The following RBM20 variants were observed in gnomAD, a reference collection of about 807,000 sequenced individuals.
RBM20 encodes RNA binding motif protein 20, also known as RNA-binding protein 20.
In RBM20, 51 loss-of-function variants were observed where a neutral mutation model predicts 110.1. That is an observed-to-expected ratio of 0.46 (90% CI 0.37 to 0.59). The LOEUF (loss-of-function observed/expected upper bound fraction) is 0.59, where lower values mean the gene tolerates loss of function less well. Among genes scored for constraint, RBM20 ranks in the 20% least tolerant of loss-of-function variants. The probability of loss-of-function intolerance (pLI) is 0.00; values close to 1 mark genes in which losing one functional copy is unlikely to be tolerated. For synonymous variants in RBM20, 589 were observed against 618.2 expected, an observed-to-expected ratio of 0.95 and a Z score of 0.70; for missense variants, 1,512 against 1,574.9, an observed-to-expected ratio of 0.96 and a Z score of 0.68.
chr10:110,810,611 T>C (rs1844753374), intron 8 of RBM20, 149 bp downstream of exon 8: 1 of 571,864 alleles, frequency 1.7e-6, no homozygotes, highest in African/African-American at 1.9e-5. Context: ...CTTTTCCATG[T>C]TCCCCATGAA....
At chr10:110,730,898 C>T (rs1049445195) in intron 1 of RBM20, among the ~76,000 whole-genome samples, 1 of 152,232 alleles carries the variant, frequency 6.6e-6, no homozygotes, top group Non-Finnish European at 1.5e-5. Flanking sequence ...CACCCTCCTA[C>T]TTGAAGTGTC....
chr10:110,835,893 A>T lies in RBM20; in HGVS notation c.3599A>T (p.Glu1200Val). Residue 1200 changes from glutamate to valine, a missense_variant, in exon 14 of 14, where the codon GAG becomes GTG. This residue lies in a region of RBM20 where 358 missense variants were observed against 384.2 expected (regional missense o/e 0.93). Coordinates refer to ENST00000369519, the MANE Select transcript of RBM20 (RefSeq NM_001134363.3). ...LQKYLSQLAE[E>V]GLKETEGADS... ...AAATATTTGTCCCAGCTGGCCGAGG[A>T]GGGCCTCAAGGAGACCGAGGGGGCA... The T allele has an allele frequency of 6.5e-7, 1 of 1,549,270 alleles. No homozygotes were observed. Among genetic ancestry groups the T allele is most frequent in the Non-Finnish European group, 8.7e-7 (1 of 1,145,146 alleles).
At chr10:110,803,461 T>C (rs1844656205) in intron 7 of RBM20, among the ~76,000 whole-genome samples, 2 of 152,230 alleles carry the variant, frequency 1.3e-5, no homozygotes, top group Admixed American at 1.3e-4. Flanking sequence ...CTTGGTGATG[T>C]TGTGAAAACT....
chr10:110,833,126 C>T (rs545581338), intron 13 of RBM20, among the ~76,000 whole-genome samples: 3 of 151,796 alleles, frequency 2.0e-5, no homozygotes, highest in East Asian at 1.9e-4. Flanking sequence ...CACAGTGGCT[C>T]ACACCTGTAA....
At chr10:110,683,142 T>C (rs966139474) in intron 1 of RBM20, among the ~76,000 whole-genome samples, 1 of 152,198 alleles carries the variant, frequency 6.6e-6, no homozygotes, top group Non-Finnish European at 1.5e-5. Context: ...TTGCTAAGTG[T>C]TGGGCTTTTT....
rs189610382 is a variant in RBM20 at position 110,749,136 on chromosome 10, A to G, written c.192-31665A>G. On this transcript the variant is annotated intron_variant, in intron 1 of 13. Coordinates refer to ENST00000369519, the MANE Select transcript of RBM20 (RefSeq NM_001134363.3). ...AGAGATGCTAAATGTCACCGCTGTGATTCAGCATTGTGCTGAAGAACCTAG... is the reference window on the plus strand; with the variant it reads ...AGAGATGCTAAATGTCACCGCTGTGGTTCAGCATTGTGCTGAAGAACCTAG... Among the ~76,000 whole-genome samples the G allele has an allele frequency of 1.4e-3, 211 of 152,382 alleles. 2 individuals are homozygous for G. Among genetic ancestry groups the G allele is most frequent in the African/African-American group, 4.9e-3 (202 of 41,588 alleles).
chr10:110,686,578 A>T (rs1862508355), intron 1 of RBM20, among the ~76,000 whole-genome samples: 1 of 151,876 alleles, frequency 6.6e-6, no homozygotes, highest in South Asian at 2.1e-4. Flanking sequence ...GTGAGCTAGG[A>T]TCCCACCACT....
intron 1 of RBM20, among the ~76,000 whole-genome samples, chr10:110,669,675 G>T (rs558761329): frequency 3.9e-5 from 6 of 152,334 alleles, no homozygotes; most frequent in African/African-American, 1.4e-4. Context: ...TCCAGCTTTG[G>T]CCTCCCAAAG....
At chr10:110,668,691 C>T (rs1483895175) in intron 1 of RBM20, among the ~76,000 whole-genome samples, 1 of 152,084 alleles carries the variant, frequency 6.6e-6, no homozygotes, top group Non-Finnish European at 1.5e-5. Context: ...TTTAGAAACC[C>T]TCTTAAATTC....
chr10:110,664,592 C>G lies in RBM20; in HGVS notation c.191+19947C>G, dbSNP rs1467497046. Among the ~76,000 whole-genome samples, 6 of 151,800 alleles carry G rather than the reference C, an allele frequency of 4.0e-5. No homozygotes were observed. The East Asian group carries it at 1.2e-3, about 29-fold the overall frequency. ...TGAAAACCCGTCTCTACTAAAAATA[C>G]AAAAATTAGCTGGGTGTGGTGGCTA... On this transcript the variant is annotated intron_variant, in intron 1 of 13. Transcript: ENST00000369519.
At chr10:110,672,505 T>A (rs1373288016) in intron 1 of RBM20, among the ~76,000 whole-genome samples, 1 of 152,248 alleles carries the variant, frequency 6.6e-6, no homozygotes, top group Non-Finnish European at 1.5e-5. Context: ...GGAGCTTCCG[T>A]GATCGTCAGC....
At chr10:110,819,939 C>T (rs558103165) in intron 9 of RBM20, 133 bp from the exon 10 acceptor site, 1 of 552,594 alleles carries the variant, frequency 1.8e-6, no homozygotes, top group African/African-American at 1.9e-5. Flanking sequence ...CCAAGGGATT[C>T]TGGGAGGATA....
At chr10:110,752,663 A>G (rs1031572901) in intron 1 of RBM20, among the ~76,000 whole-genome samples, 4 of 152,164 alleles carry the variant, frequency 2.6e-5, no homozygotes, top group African/African-American at 9.6e-5. Context: ...TACACACCCA[A>G]AAATACTTAA....
At chr10:110,754,345 T>C (rs949518450) in intron 1 of RBM20, among the ~76,000 whole-genome samples, 2 of 152,220 alleles carry the variant, frequency 1.3e-5, no homozygotes, top group African/African-American at 4.8e-5. Context: ...TTTACTTTGC[T>C]TGGGATTCTC....
chr10:110,771,238 G>T (rs960221654), intron 1 of RBM20, among the ~76,000 whole-genome samples: 2 of 151,938 alleles, frequency 1.3e-5, no homozygotes, highest in Non-Finnish European at 2.9e-5. Flanking sequence ...CGATTCTCCT[G>T]CCTCAGCCTC....
At position 110,820,137 on chromosome 10, in the gene RBM20, A is replaced by G. The variant is rs1356159353; in HGVS notation, c.2616A>G (p.Glu872=). 3.9e-6 allele frequency: 6 copies of G among 1,551,538 alleles called. No homozygotes were observed. The African/African-American group carries it at 8.2e-5, about 21-fold the overall frequency. ...SPQSVGRQEK[E]AEFSDPENTR... ...AATCAGTGGGCAGACAGGAGAAAGA[A>G]GCAGAGTTCTCTGATCCGGAAAACA... The change falls in exon 10 of 14, where the codon GAA becomes GAG. Residue 872 remains glutamate (E), a synonymous_variant. Transcript: ENST00000369519.
At chr10:110,685,281 T>G (rs1423432912) in intron 1 of RBM20, among the ~76,000 whole-genome samples, 3 of 152,228 alleles carry the variant, frequency 2.0e-5, no homozygotes, top group Non-Finnish European at 4.4e-5. Context: ...ATGTAACTCC[T>G]GGAGGCCTCT....
chr10:110,652,009 A>G (rs773978272), intron 1 of RBM20, among the ~76,000 whole-genome samples: 10 of 152,260 alleles, frequency 6.6e-5, no homozygotes, highest in Admixed American at 2.0e-4. Context: ...AAATATGTAC[A>G]TACATGAGGA....
chr10:110,684,371 G>A (rs1204250382), intron 1 of RBM20, among the ~76,000 whole-genome samples: 1 of 151,830 alleles, frequency 6.6e-6, no homozygotes, highest in African/African-American at 2.4e-5. Context: ...TCCAGCCTGG[G>A]TGACAGAGTG....
Sources: gnomAD v4.1 joint callset for allele counts (sites outside exome capture counted in the v4.1 genomes callset) on GRCh38, gnomAD v4.1.1 for gene constraint, gnomAD v4.1.1 regional missense constraint, MANE v1.5 for transcripts, NCBI Gene and HGNC (gene_info 2026-07-23, HGNC 2026-07-21) for gene names.